The following CNTN6 variants were observed in gnomAD, a reference collection of about 807,000 sequenced individuals.
CNTN6 encodes the protein contactin 6, also known as contactin-6.
CNTN6 carries 137 observed loss-of-function variants against 122.8 expected under a neutral mutation model. The observed-to-expected ratio is 1.12, with a 90% CI of 0.97 to 1.29. The LOEUF (loss-of-function observed/expected upper bound fraction) is 1.29, where lower values mean the gene tolerates loss of function less well. Among genes scored for constraint, CNTN6 ranks in the 50% most tolerant of loss-of-function variants. The pLI is 0.00. For synonymous variants in CNTN6, 570 were observed against 426.0 expected (o/e 1.34, Z -4.16); for missense variants, 1,634 against 1,223.4 (o/e 1.34, Z -5.01).
chr3:1,188,019 T>C (rs1475735283), intron 2 of CNTN6, among the ~76,000 whole-genome samples: 1 of 152,156 alleles, frequency 6.6e-6, no homozygotes, highest in African/African-American at 2.4e-5. Flanking sequence ...CCGCTACCCC[T>C]GCCAAATCTT....
chr3:1,221,148 T>G (rs1359788997), intron 3 of CNTN6, among the ~76,000 whole-genome samples: 7 of 142,806 alleles, frequency 4.9e-5, no homozygotes, highest in Admixed American at 4.3e-4. Context: ...TGGTCAGAAA[T>G]GAGAGAGAGA....
At chr3:1,380,859 A>C (rs1278047928) in intron 17 of CNTN6, among the ~76,000 whole-genome samples, 1 of 152,154 alleles carries the variant, frequency 6.6e-6, no homozygotes, top group African/African-American at 2.4e-5. Context: ...TTACATTATT[A>C]GTTTATCAAT....
At chr3:1,375,969 A>T (rs1417498913) in intron 16 of CNTN6, among the ~76,000 whole-genome samples, 1 of 152,076 alleles carries the variant, frequency 6.6e-6, no homozygotes. Flanking sequence ...GAAATGAGGA[A>T]TTAAAACTTA....
chr3:1,355,964 A>T (rs1242396102), intron 12 of CNTN6, among the ~76,000 whole-genome samples: 2 of 151,818 alleles, frequency 1.3e-5, no homozygotes, highest in African/African-American at 4.8e-5. Flanking sequence ...GCGATTTTCC[A>T]TTCAAACATT....
At chr3:1,376,191 GT>G (rs1709835930) in intron 16 of CNTN6, among the ~76,000 whole-genome samples, 1 of 152,088 alleles carries the variant, frequency 6.6e-6, no homozygotes, top group African/African-American at 2.4e-5. Context: ...ACTTACGCAT[GT>G]GTAAAGTAAA....
intron 5 of CNTN6, among the ~76,000 whole-genome samples, chr3:1,280,459 A>ATTTTTTGT (rs1693175887): frequency 1.5e-5 from 1 of 66,652 alleles, no homozygotes; most frequent in African/African-American, 6.1e-5. Context: ...TGTAATACCA[A>ATTTTTTGT]TTTTTTTTTT....
At chr3:1,381,724 T>TTTCTC (rs1397747362) in intron 17 of CNTN6, among the ~76,000 whole-genome samples, 1 of 152,188 alleles carries the variant, frequency 6.6e-6, no homozygotes, top group African/African-American at 2.4e-5. Context: ...CAGCATCTGT[T>TTTCTC]TTCTCTTAGC....
intron 2 of CNTN6, among the ~76,000 whole-genome samples, chr3:1,160,148 T>A (rs1409325624): frequency 6.6e-6 from 1 of 151,816 alleles, no homozygotes; most frequent in Non-Finnish European, 1.5e-5. Flanking sequence ...TTTATTAAAA[T>A]CCAAAATATC....
chr3:1,385,568 A>G, intron 19 of CNTN6, 43 bp from the exon 20 acceptor site: 1 of 1,481,912 alleles, frequency 6.7e-7, no homozygotes, highest in Non-Finnish European at 9.2e-7. Context: ...ATTGATAGTT[A>G]TTGGGGAACA....
At chr3:1,302,780 T>C (rs2662142) in intron 7 of CNTN6, among the ~76,000 whole-genome samples, 9,018 of 152,174 alleles carry the variant, frequency 0.059, 924 homozygotes, top group African/African-American at 0.21. Context: ...CTGAAATTCC[T>C]GAGTCTATGG....
chr3:1,283,951 A>T (rs543285902), intron 5 of CNTN6, among the ~76,000 whole-genome samples: 2 of 152,358 alleles, frequency 1.3e-5, no homozygotes, highest in South Asian at 2.1e-4. Context: ...GTGAGCCAAG[A>T]TCATGCCTTT....
At chr3:1,286,927 A>G (rs1052562501) in intron 5 of CNTN6, among the ~76,000 whole-genome samples, 1 of 152,158 alleles carries the variant, frequency 6.6e-6, no homozygotes, top group Non-Finnish European at 1.5e-5. Flanking sequence ...AATCCTAGTC[A>G]CTGATAAAAC....
chr3:1,262,685 G>A (rs1019643800), intron 4 of CNTN6, among the ~76,000 whole-genome samples: 1 of 152,062 alleles, frequency 6.6e-6, no homozygotes, highest in East Asian at 1.9e-4. Flanking sequence ...AAGACTATAG[G>A]TCATACTTTT....
chr3:1,252,335 C>A (rs904958372), intron 4 of CNTN6, among the ~76,000 whole-genome samples: 1 of 152,080 alleles, frequency 6.6e-6, no homozygotes, highest in Non-Finnish European at 1.5e-5. Flanking sequence ...CTTTTTTCTG[C>A]TTAGTAGTTA....
At chr3:1,300,585 GAA>G (rs752880706) in intron 7 of CNTN6, among the ~76,000 whole-genome samples, 69 of 121,028 alleles carry the variant, frequency 5.7e-4, no homozygotes, top group African/African-American at 1.7e-3. Flanking sequence ...AAGAAAGAAA[GAA>G]AGAAAGAAAG....
At chr3:1,258,850 C>T (rs2094801025) in intron 4 of CNTN6, among the ~76,000 whole-genome samples, 1 of 152,000 alleles carries the variant, frequency 6.6e-6, no homozygotes. Flanking sequence ...GCCAAGCATG[C>T]CTGATTGAGA....
chr3:1,173,777 G>GA (rs34158436), intron 2 of CNTN6, among the ~76,000 whole-genome samples: 50,704 of 143,648 alleles, frequency 0.35, 8,602 homozygotes, highest in Non-Finnish European at 0.39. Flanking sequence ...TCCTTTTGGG[G>GA]AAAAAAAAAA....
chr3:1,100,948 G>C (rs917107557), intron 1 of CNTN6, among the ~76,000 whole-genome samples: 26 of 152,028 alleles, frequency 1.7e-4, no homozygotes, highest in African/African-American at 6.0e-4. Context: ...CATTCTTCCT[G>C]GTGCTCATAA....
intron 20 of CNTN6, among the ~76,000 whole-genome samples, chr3:1,397,705 T>G (rs994972399): frequency 1.3e-5 from 2 of 152,200 alleles, no homozygotes; most frequent in Non-Finnish European, 2.9e-5. Context: ...TTTGCAAATG[T>G]TGGCTCAATT....
Sources: allele counts gnomAD v4.1 joint callset (sites outside exome capture counted in the v4.1 genomes callset), GRCh38; gene constraint gnomAD v4.1.1; transcripts MANE v1.5; gene names NCBI Gene and HGNC (gene_info 2026-07-23, HGNC 2026-07-21).